The following KMT2D variants were observed in gnomAD, a reference collection of about 807,000 sequenced individuals.
KMT2D encodes histone-lysine N-methyltransferase 2D.
In KMT2D, 55 loss-of-function variants were observed where a neutral mutation model predicts 512.7. The observed-to-expected ratio is 0.11, with a 90% confidence interval of 0.09 to 0.13. The LOEUF (loss-of-function observed/expected upper bound fraction) is 0.13, where lower values mean the gene tolerates loss of function less well. Ranked by LOEUF, KMT2D falls within the 10% of genes least tolerant of loss-of-function variation. The probability of loss-of-function intolerance (pLI) is 1.00; values close to 1 mark genes in which losing one functional copy is unlikely to be tolerated. For missense variants in KMT2D, 6,061 were observed against 7,127.9 expected, an observed-to-expected ratio of 0.85 and a Z score of 5.39; for synonymous variants, 2,995 against 2,904.0, an observed-to-expected ratio of 1.03 and a Z score of -1.01.
chr12:49,027,400 C>T (rs2120373140), intron 48 of KMT2D, 78 bp from the exon 49 acceptor site: 2 of 1,193,110 alleles, frequency 1.7e-6, no homozygotes, highest in Non-Finnish European at 1.2e-6. Context: ...CCATATGCCA[C>T]CCTCCCAAAA....
Position 49,040,956 on chromosome 12 carries a change from G to A in KMT2D, c.6814C>T (p.Leu2272=), listed in dbSNP as rs1314979888. The A allele has an allele frequency of 3.1e-6, 5 of 1,612,164 alleles. No individual in the cohort carries two copies. Among genetic ancestry groups the A allele is most frequent in the Non-Finnish European group, 4.2e-6 (5 of 1,178,842 alleles). Residue 2272 remains leucine (L), a synonymous_variant, in exon 32 of 55, where the codon CTG becomes TTG. Transcript: ENST00000301067. ...GVGGGKASEP[L]LSPPPFGESR... Reference sequence around the variant, plus strand: ...TCCCCAAAAGGTGGGGGCGAGAGCAGGGGCTCGGAAGCTTTGCCTCCCCCT... The same window carrying A: ...TCCCCAAAAGGTGGGGGCGAGAGCAAGGGCTCGGAAGCTTTGCCTCCCCCT...
chr12:49,047,453 C>T (rs961433915), intron 15 of KMT2D, among the ~76,000 whole-genome samples: 14 of 136,996 alleles, frequency 1.0e-4, no homozygotes, highest in Non-Finnish European at 1.4e-4. Context: ...CACTCTGTTG[C>T]CCAGGCTGGA....
rs376727449 is a variant in KMT2D at position 49,046,039 on chromosome 12, C to A, written c.4693+26G>T. ...GCAAGGTACCCCTGCTCTGACTCCT[C>A]CCCCTACCCAGCAGCTGGTACTCAC... On this transcript the variant is annotated intron_variant, in intron 18 of 54. Transcript: ENST00000301067. This position sits in a 1 kb window ranked among gnomAD's most constrained non-coding sequence, Gnocchi z 4.2. 24 of 1,611,334 alleles carry A rather than the reference C, an allele frequency of 1.5e-5. No individual in the cohort carries two copies. Among genetic ancestry groups the A allele is most frequent in the Non-Finnish European group, 2.0e-5 (24 of 1,178,444 alleles).
rs1942908363 is a variant in KMT2D at position 49,031,499 on chromosome 12, C to T, written c.13206G>A (p.Val4402=). 6.2e-7 allele frequency: 1 copy of T among 1,612,868 alleles called. No individual in the cohort carries two copies. The highest frequency in any genetic ancestry group is 1.1e-5 in the South Asian group (1 of 90,886). ...SSLVPGHLDQ[V]NGQVVPEASQ... Reference sequence around the variant, plus strand: ...ATGCCTCAGGCACCACCTGTCCATTCACCTGGTCCAGATGCCCAGGTACCA... The same window carrying T: ...ATGCCTCAGGCACCACCTGTCCATTTACCTGGTCCAGATGCCCAGGTACCA... Residue 4402 remains valine (V), a synonymous_variant, in exon 40 of 55, where the codon GTG becomes GTA. Coordinates refer to ENST00000301067, the MANE Select transcript of KMT2D (RefSeq NM_003482.4).
At position 49,051,668 on chromosome 12, in the gene KMT2D, G is replaced by A. The variant is rs1938039836; in HGVS notation, c.2015C>T (p.Ser672Phe). Residue 672 changes from serine (S) to phenylalanine (F), a missense_variant, in exon 11 of 55, where the codon TCC (serine) becomes TTC (phenylalanine). Around this residue, in one of 16 missense-constraint regions of KMT2D, gnomAD observed 848 missense variants for 838.5 expected, o/e 1.01. Coordinates refer to ENST00000301067, the MANE Select transcript of KMT2D (RefSeq NM_003482.4). ...LSPPPEESPL[S>F]PPPEESPTSP... is the part of the protein sequence containing the mutation. ...CGTGGGAGACTCCTCAGGCGGTGGG[G>A]ACAAGGGAGATTCCTCAGGCGGTGG... is the stretch of plus-strand genomic sequence containing the variant. 1 of 1,576,486 alleles carries A rather than the reference G, an allele frequency of 6.3e-7. No homozygotes were observed. Among genetic ancestry groups the A allele is most frequent in the East Asian group, 2.3e-5 (1 of 44,394 alleles).
rs1943521134 is a variant in KMT2D at position 49,041,395 on chromosome 12, G to A, written c.6375C>T (p.Phe2125=). ...CGGCGGGGGTAGTGGGGCTGCCAAT[G>A]AAAATGGTGGGGGCAGCAGCGGGGG... is the stretch of plus-strand genomic sequence containing the variant. ...SPPPAAAPTI[F]IGSPTTPAGL... is the part of the protein sequence containing the mutation. The change falls in exon 32 of 55, where the codon TTC becomes TTT. Residue 2125 remains phenylalanine (F), a synonymous_variant. Transcript: ENST00000301067. The surrounding 1 kb of genome is among the most constrained non-coding windows in gnomAD (Gnocchi z 5.4). 3.1e-6 allele frequency: 5 copies of A among 1,605,436 alleles called. No homozygotes were observed. Among genetic ancestry groups the A allele is most frequent in the African/African-American group, 2.7e-5 (2 of 74,714 alleles).
intron 15 of KMT2D, 48 bp downstream of exon 15, chr12:49,047,917 A>G (rs1224033241): frequency 1.5e-6 from 2 of 1,345,760 alleles, no homozygotes; most frequent in Non-Finnish European, 2.1e-6. Context: ...AGGGTAAGAA[A>G]TAACTGACCC....
rs562557548 is a variant in KMT2D, at chr12:49,031,282, T to C, written c.13423A>G (p.Ser4475Gly). The stretch of plus-strand genomic sequence containing the variant: ...AGCCCCTCGGACCCCCGCCCAGTGC[T>C]GAGTTGCACATTCTTTGCCCGGAGT... Reference protein sequence around the residue: ...KLLRAKNVQLSTGRGSEGLRA... With the variant: ...KLLRAKNVQLGTGRGSEGLRA... Residue 4475 changes from serine (S) to glycine (G), a missense_variant, in exon 40 of 55, where the codon AGC (serine) becomes GGC (glycine). Ser to Gly is a moderately conservative substitution (Grantham distance 56, BLOSUM62 0). Transcript: ENST00000301067. The C allele has an allele frequency of 5.6e-6, 9 of 1,612,554 alleles. No individual in the cohort carries two copies. Among genetic ancestry groups the C allele is most frequent in the African/African-American group, 2.7e-5 (2 of 74,918 alleles).
rs1938323460 is a variant in KMT2D, at chr12:49,055,004, C to G, written c.72G>C (p.Glu24Asp). ...GGTCTGACTCAGTGGCACTTGGGTC[C>G]TCAGAAGCTGCAGGTCCATCAGCTG... ...EPAADGPAAS[E>D]DPSATESDLP... The change falls in exon 3 of 55, where the codon GAG becomes GAC. Residue 24 changes from glutamate to aspartate, a missense_variant. Physicochemically the swap from Glu to Asp is conservative, Grantham distance 45. This residue lies in a region of KMT2D where 144 missense variants were observed against 165.7 expected (regional missense o/e 0.87). Coordinates refer to ENST00000301067, the MANE Select transcript of KMT2D (RefSeq NM_003482.4). The G allele has an allele frequency of 6.2e-7, 1 of 1,613,850 alleles. No individual in the cohort carries two copies. The highest frequency in any genetic ancestry group is 1.7e-5 in the Admixed American group (1 of 59,996).
rs2120644176 is a variant in KMT2D, at chr12:49,050,002, G to C, written c.3586C>G (p.Pro1196Ala). The change falls in exon 12 of 55, where the codon CCA becomes GCA. Residue 1196 changes from proline to alanine, a missense_variant. Coordinates refer to ENST00000301067, the MANE Select transcript of KMT2D (RefSeq NM_003482.4). ...ATGTCGGATTTGATGAGAGTGGGTG[G>C]TGTGGGGGCCACCGGTGCACGTGGC... is the stretch of plus-strand genomic sequence containing the variant. ...EEPRAPVAPTPPTLIKSDIVN... is the reference protein window; with the variant it reads ...EEPRAPVAPTAPTLIKSDIVN... 6.2e-7 allele frequency: 1 copy of C among 1,613,948 alleles called. No individual in the cohort carries two copies. The highest frequency in any genetic ancestry group is 8.5e-7 in the Non-Finnish European group (1 of 1,179,896).
rs1942274236 is a variant in KMT2D, at chr12:49,020,611, C to T, written c.*1169G>A. On this transcript the variant is annotated 3_prime_UTR_variant, in exon 55 of 55. Coordinates refer to ENST00000301067, the MANE Select transcript of KMT2D (RefSeq NM_003482.4). ...CCCGCGCTGACACTAAGCTCCCCCA[C>T]CCCCACATCACCACCCCTTCCCACC... 5.1e-6 allele frequency: 1 copy of T among 197,432 alleles called. No individual in the cohort carries two copies. The highest frequency in any genetic ancestry group is 6.2e-5 in the Admixed American group (1 of 16,222). The allele number at this position is 197,432 out of a possible 1,614,324, so 12.2% of individuals were successfully genotyped here. A position where few individuals can be genotyped will look rare whatever the true frequency, so the allele number is the denominator to read the frequency against.
At position 49,024,559 on chromosome 12, in the gene KMT2D, T is replaced by C. The variant is rs754207734; in HGVS notation, c.16052+19A>G. 6.3e-7 allele frequency: 1 copy of C among 1,594,938 alleles called. No individual in the cohort carries two copies. The highest frequency in any genetic ancestry group is 1.1e-5 in the South Asian group (1 of 88,844). On this transcript the variant is annotated intron_variant, in intron 51 of 54. Transcript: ENST00000301067. This position sits in a 1 kb window ranked among gnomAD's most constrained non-coding sequence, Gnocchi z 4.5. ...AACACCCACACCCACATCCCTTGGC[T>C]CCAGCATCACAAGCTCACCGTTTGT...
rs2120710101 is a variant in KMT2D, at chr12:49,054,499, C to T, written c.400+29G>A. The T allele has an allele frequency of 1.3e-6, 2 of 1,591,404 alleles. No individual in the cohort carries two copies. The highest frequency in any genetic ancestry group is 1.7e-6 in the Non-Finnish European group (2 of 1,167,500). ...GGCTCAGGACTACCCAGCCCTTATC[C>T]CATTTCCTGCCCCATTCTCCTCACT... is the stretch of plus-strand genomic sequence containing the variant. On this transcript the variant is annotated intron_variant, in intron 4 of 54. Coordinates refer to ENST00000301067, the MANE Select transcript of KMT2D (RefSeq NM_003482.4). This position sits in a 1 kb window ranked among gnomAD's most constrained non-coding sequence, Gnocchi z 6.4.
rs751893107 is a variant in KMT2D, at chr12:49,032,553, A to T, written c.12152T>A (p.Ile4051Lys). 2.5e-5 allele frequency: 41 copies of T among 1,611,238 alleles called. No individual in the cohort carries two copies. The highest frequency in any genetic ancestry group is 3.4e-5 in the Admixed American group (2 of 59,468). Reference protein sequence around the residue: ...PSTHQGGPLAIGTTPESMATE... With the variant: ...PSTHQGGPLAKGTTPESMATE... ...GGCCATTGACTCAGGGGTAGTTCCT[A>T]TTGCTAACGGCCCTCCCTGATGTGT... is the stretch of plus-strand genomic sequence containing the variant. Residue 4051 changes from isoleucine to lysine, a missense_variant, in exon 40 of 55, where the codon ATA (isoleucine) becomes AAA (lysine). Ile to Lys is a moderately radical substitution (Grantham distance 102). This residue lies in a region of KMT2D where 1,600 missense variants were observed against 1,754.9 expected (regional missense o/e 0.91). Coordinates refer to ENST00000301067, the MANE Select transcript of KMT2D (RefSeq NM_003482.4).
rs548763965 is a variant in KMT2D, at chr12:49,052,081, C to T, written c.1602G>A (p.Thr534=). 47 of 1,611,890 alleles carry T rather than the reference C, an allele frequency of 2.9e-5. No individual in the cohort carries two copies. The highest frequency in any genetic ancestry group is 9.4e-5 in the African/African-American group (7 of 74,314). The change falls in exon 11 of 55, where the codon ACG becomes ACA. Residue 534 remains threonine, a synonymous_variant. Transcript: ENST00000301067. ...ATGCTTCAGGTGGTGGGGATAGAGG[C>T]GTCTCAAGTGCAGGAGATGGGGGTG... The part of the protein sequence containing the change: ...EESPPSPALE[T]PLSPPPEASP...
In KMT2D at chr12:49,019,063, C is replaced by T; in HGVS notation, c.*2717G>A. On this transcript the variant is annotated 3_prime_UTR_variant, in exon 55 of 55. Coordinates refer to ENST00000301067, the MANE Select transcript of KMT2D (RefSeq NM_003482.4). ...AAAACTTGCCCTTTGCCTCTCGCAA[C>T]ATAAATATGTACAGTTCAGAATGAT... 1 of 1,350,976 alleles carries T rather than the reference C, an allele frequency of 7.4e-7. No individual in the cohort carries two copies. 83.7% of individuals were successfully genotyped at this position (1,350,976 alleles called of 1,614,324 possible). A position where few individuals can be genotyped will look rare whatever the true frequency, so the allele number is the denominator to read the frequency against.
chr12:49,041,643 A>G lies in KMT2D; in HGVS notation c.6234+12T>C. On this transcript the variant is annotated intron_variant, in intron 31 of 54. Transcript: ENST00000301067. The surrounding 1 kb of genome is among the most constrained non-coding windows in gnomAD (Gnocchi z 5.4). The stretch of plus-strand genomic sequence containing the variant: ...CTAGAGGACTGCTACACCCCAGCCC[A>G]GCCCCACTCACCTTCTGCACCTTGT... 2 of 1,613,498 alleles carry G rather than the reference A, an allele frequency of 1.2e-6. No homozygotes were observed. Among genetic ancestry groups the G allele is most frequent in the Non-Finnish European group, 1.7e-6 (2 of 1,179,632 alleles).
At position 49,054,031 on chromosome 12, in the gene KMT2D, A is replaced by G. The variant is rs757625928; in HGVS notation, c.620T>C (p.Met207Thr). 6 of 1,613,806 alleles carry G rather than the reference A, an allele frequency of 3.7e-6. No individual in the cohort carries two copies. The highest frequency in any genetic ancestry group is 5.1e-6 in the Non-Finnish European group (6 of 1,179,890). Residue 207 changes from methionine (M) to threonine (T), a missense_variant, in exon 6 of 55, where the codon ATG (methionine) becomes ACG (threonine). Coordinates refer to ENST00000301067, the MANE Select transcript of KMT2D (RefSeq NM_003482.4). The surrounding 1 kb of genome is among the most constrained non-coding windows in gnomAD (Gnocchi z 6.4). ...TGGGCATAGCAGCTGCAGTGTTTTC[A>G]TGGATAGGAAGGAACCGCTGGCAGT... ...CATASGSFLSMKTLQLLCPEH... is the reference protein window; with the variant it reads ...CATASGSFLSTKTLQLLCPEH...
intron 19 of KMT2D, among the ~76,000 whole-genome samples, chr12:49,045,616 C>CT (rs1196330634): frequency 6.7e-6 from 1 of 149,088 alleles, no homozygotes; most frequent in African/African-American, 2.5e-5. Flanking sequence ...TGCACTCCAG[C>CT]CTGGGCAACA....
Sources: gnomAD v4.1 joint callset for allele counts (sites outside exome capture counted in the v4.1 genomes callset) on GRCh38, gnomAD v4.1.1 for gene constraint, gnomAD v4.1.1 regional missense constraint, Gnocchi (gnomAD v3.1) non-coding constraint, MANE v1.5 for transcripts, NCBI Gene and HGNC (gene_info 2026-07-23, HGNC 2026-07-21) for gene names.